The following FAM171A1 variants were observed in gnomAD, a reference collection of about 807,000 sequenced individuals.
FAM171A1 encodes the protein protein FAM171A1.
A neutral mutation model predicts 74.9 loss-of-function variants in FAM171A1; 23 were observed. The ratio of observed to expected loss-of-function variants is 0.31; its 90% confidence interval spans 0.22 to 0.44. FAM171A1 has a LOEUF of 0.44. FAM171A1 is among the 20% of genes least tolerant of loss of function. The pLI is 1.00. For missense variants in FAM171A1, 1,162 were observed against 1,159.2 expected (o/e 1.00, Z -0.03); for synonymous variants, 527 against 505.7 (o/e 1.04, Z -0.57).
chr10:15,372,009 G>C (rs1836155715), upstream of FAM171A1, among the ~76,000 whole-genome samples: 1 of 152,170 alleles, frequency 6.6e-6, no homozygotes, highest in Non-Finnish European at 1.5e-5. Context: ...AAACATCAGG[G>C]GGAAGGGGGA....
chr10:15,213,350 C>T lies in FAM171A1; in HGVS notation c.2238G>A (p.Met746Ile). Residue 746 changes from methionine to isoleucine, a missense_variant, in exon 8 of 8, where the codon ATG (methionine) becomes ATA (isoleucine). By Grantham distance (10) the Met-to-Ile change is conservative. Coordinates refer to ENST00000378116, the MANE Select transcript of FAM171A1 (RefSeq NM_001010924.2). The surrounding 1 kb of genome is among the most constrained non-coding windows in gnomAD (Gnocchi z 6.8). ...NDASLDSGVD[M>I]NEPKSARKGR... ...CCTTCCGGGCTGATTTTGGTTCATT[C>T]ATATCTACGCCAGAGTCCAAACTGG... 6.2e-7 allele frequency: 1 copy of T among 1,614,184 alleles called. No homozygotes were observed. Among genetic ancestry groups the T allele is most frequent in the Non-Finnish European group, 8.5e-7 (1 of 1,180,028 alleles).
intron 5 of FAM171A1, among the ~76,000 whole-genome samples, chr10:15,226,782 C>G (rs777442203): frequency 3.3e-5 from 5 of 152,116 alleles, no homozygotes; most frequent in Non-Finnish European, 7.4e-5. Flanking sequence ...GCGCTGAATA[C>G]TCCCCCCTAC....
intron 1 of FAM171A1, among the ~76,000 whole-genome samples, chr10:15,309,356 C>T (rs1835332801): frequency 6.6e-6 from 1 of 152,158 alleles, no homozygotes; most frequent in Non-Finnish European, 1.5e-5. Flanking sequence ...TATAGGCACA[C>T]ACCACCATGT....
intron 2 of FAM171A1, among the ~76,000 whole-genome samples, chr10:15,277,804 T>G (rs1834913195): frequency 6.6e-6 from 1 of 152,058 alleles, no homozygotes; most frequent in South Asian, 2.1e-4. Context: ...CTACCCAGGC[T>G]GGAGTGCAGT....
At chr10:15,243,889 TA>T (rs1407605474) in intron 5 of FAM171A1, among the ~76,000 whole-genome samples, 1 of 152,190 alleles carries the variant, frequency 6.6e-6, no homozygotes, top group African/African-American at 2.4e-5. Context: ...TAGCTGGGAC[TA>T]CAGGCGCCCG....
upstream of FAM171A1, among the ~76,000 whole-genome samples, chr10:15,373,099 A>G (rs76124761): frequency 4.3e-3 from 657 of 152,318 alleles, 6 homozygotes; most frequent in African/African-American, 0.015. Flanking sequence ...TTGGCTTATA[A>G]AAGACAAATG....
At position 15,359,926 on chromosome 10, in the gene FAM171A1, CTGTT is replaced by C. The variant is rs111447117; in HGVS notation, c.97+11026_97+11029del. On this transcript the variant is annotated intron_variant, in intron 1 of 7. Coordinates refer to ENST00000378116, the MANE Select transcript of FAM171A1 (RefSeq NM_001010924.2). ...AATTCCAAAAAGGAACATGGCCCAG[CTGTT>C]TGTTTGTTTGTTTGTTTGTTTTGAG... Among the ~76,000 whole-genome samples the C allele has an allele frequency of 6.0e-3, 907 of 151,996 alleles. 10 individuals carry two copies. The highest frequency in any genetic ancestry group is 0.021 in the African/African-American group (854 of 41,384).
chr10:15,290,346 T>C (rs1280201680), intron 1 of FAM171A1, among the ~76,000 whole-genome samples: 1 of 152,200 alleles, frequency 6.6e-6, no homozygotes, highest in Non-Finnish European at 1.5e-5. Flanking sequence ...CCACAGCTTA[T>C]TGCCTTTGAA....
At chr10:15,293,954 C>T (rs753876673) in intron 1 of FAM171A1, among the ~76,000 whole-genome samples, 1 of 152,142 alleles carries the variant, frequency 6.6e-6, no homozygotes, top group Non-Finnish European at 1.5e-5. Flanking sequence ...AAATGGGCTG[C>T]GGTTCTGCTA....
At chr10:15,238,808 T>C (rs1421899519) in intron 5 of FAM171A1, among the ~76,000 whole-genome samples, 1 of 152,236 alleles carries the variant, frequency 6.6e-6, no homozygotes, top group East Asian at 1.9e-4. Flanking sequence ...TCTCAGGCTG[T>C]GTTTTGAAGA....
intron 6 of FAM171A1, among the ~76,000 whole-genome samples, chr10:15,218,283 G>A (rs1424484402): frequency 6.6e-6 from 1 of 151,722 alleles, no homozygotes; most frequent in Non-Finnish European, 1.5e-5. Context: ...GTTTCAACGT[G>A]TTAGCCAGGA....
chr10:15,342,364 G>C (rs1835774134), intron 1 of FAM171A1, among the ~76,000 whole-genome samples: 1 of 152,206 alleles, frequency 6.6e-6, no homozygotes, highest in South Asian at 2.1e-4. Flanking sequence ...GCAGTCAGGA[G>C]TTCGAGACCA....
intron 1 of FAM171A1, among the ~76,000 whole-genome samples, chr10:15,351,633 A>T (rs10906894): frequency 0.43 from 64,720 of 151,176 alleles, 14,334 homozygotes; most frequent in East Asian, 0.78. Context: ...GCATGGATAG[A>T]TGGATGCATG....
intron 1 of FAM171A1, among the ~76,000 whole-genome samples, chr10:15,341,708 G>A (rs921457487): frequency 6.6e-6 from 1 of 152,234 alleles, no homozygotes; most frequent in Non-Finnish European, 1.5e-5. Context: ...AGAGTATGCA[G>A]AGCTGGAGAT....
chr10:15,231,371 AT>A (rs1388759337), intron 5 of FAM171A1, among the ~76,000 whole-genome samples: 1 of 151,768 alleles, frequency 6.6e-6, no homozygotes, highest in East Asian at 1.9e-4. Flanking sequence ...GCCTGGCTAA[AT>A]TTTTATTTTT....
chr10:15,236,555 G>A (rs975306927), intron 5 of FAM171A1, among the ~76,000 whole-genome samples: 8 of 152,098 alleles, frequency 5.3e-5, no homozygotes, highest in African/African-American at 1.4e-4. Flanking sequence ...AGACCAAGCC[G>A]TCTCGGTGGC....
At chr10:15,289,913 G>A (rs571811185) in intron 1 of FAM171A1, among the ~76,000 whole-genome samples, 84 of 152,340 alleles carry the variant, frequency 5.5e-4, no homozygotes, top group African/African-American at 2.0e-3. Context: ...GGGCTGCAAA[G>A]CCTGAACTCA....
chr10:15,315,034 C>A (rs1835406147), intron 1 of FAM171A1, among the ~76,000 whole-genome samples: 4 of 152,158 alleles, frequency 2.6e-5, no homozygotes, highest in Admixed American at 2.6e-4. Flanking sequence ...CACCCTCAGG[C>A]CTTTTTATTA....
intron 1 of FAM171A1, among the ~76,000 whole-genome samples, chr10:15,301,779 G>A (rs1402251389): frequency 1.3e-5 from 2 of 152,146 alleles, no homozygotes; most frequent in South Asian, 2.1e-4. Flanking sequence ...ATCTCTGACC[G>A]GGAAGTATCG....
Sources: gnomAD v4.1 joint callset for allele counts (sites outside exome capture counted in the v4.1 genomes callset) on GRCh38, gnomAD v4.1.1 for gene constraint, Gnocchi (gnomAD v3.1) non-coding constraint, MANE v1.5 for transcripts, NCBI Gene and HGNC (gene_info 2026-07-23, HGNC 2026-07-21) for gene names.